HMGB1: variants seen among roughly 807,000 people sequenced by gnomAD.
HMGB1 encodes high mobility group box 1.
For synonymous variants in HMGB1, 81 were observed against 84.0 expected, an observed-to-expected ratio of 0.96 and a Z score of 0.19; for missense variants, 79 against 253.5, an observed-to-expected ratio of 0.31 and a Z score of 4.67.
At chr13:30,546,177 G>A (rs1363704361) in intron 1 of HMGB1, among the ~76,000 whole-genome samples, 1 of 152,122 alleles carries the variant, frequency 6.6e-6, no homozygotes, top group East Asian at 1.9e-4. Flanking sequence ...GTTCAGTAGC[G>A]TGATCTCAGC....
At chr13:30,514,515 C>T (rs1162434284) in intron 1 of HMGB1, among the ~76,000 whole-genome samples, 1 of 151,690 alleles carries the variant, frequency 6.6e-6, no homozygotes. Context: ...GGTGACCTTT[C>T]TAATCAATCT....
At chr13:30,603,344 C>G (rs981658952) in intron 1 of HMGB1, among the ~76,000 whole-genome samples, 22 of 152,122 alleles carry the variant, frequency 1.4e-4, no homozygotes, top group Admixed American at 1.4e-3. Context: ...TTGGAAGTAT[C>G]AAGGAGGCAG....
At chr13:30,555,165 C>G (rs1593309435) in intron 1 of HMGB1, among the ~76,000 whole-genome samples, 1 of 151,046 alleles carries the variant, frequency 6.6e-6, no homozygotes, top group Non-Finnish European at 1.5e-5. Flanking sequence ...CCTCAGCCTC[C>G]GGAGTAGCTG....
chr13:30,588,427 T>C (rs1566033618), intron 1 of HMGB1, among the ~76,000 whole-genome samples: 1 of 151,940 alleles, frequency 6.6e-6, no homozygotes, highest in Non-Finnish European at 1.5e-5. Flanking sequence ...GGATACAATA[T>C]ATGTAAAAAC....
At chr13:30,601,405 C>T (rs969705156) in intron 1 of HMGB1, among the ~76,000 whole-genome samples, 1 of 152,096 alleles carries the variant, frequency 6.6e-6, no homozygotes, top group African/African-American at 2.4e-5. Flanking sequence ...CTGTTGGGGG[C>T]CTGTGGTCAA....
chr13:30,538,813 C>CTT (rs1474098136), intron 1 of HMGB1, among the ~76,000 whole-genome samples: 7 of 64,326 alleles, frequency 1.1e-4, no homozygotes, highest in South Asian at 4.7e-4. Context: ...CTCTCTCTCT[C>CTT]CCCCTTTCTT....
At position 30,493,458 on chromosome 13, in the gene HMGB1, A is replaced by G. The variant is rs533121655; in HGVS notation, c.-14-29764T>C. On this transcript the variant is annotated intron_variant, in intron 1 of 4. Coordinates refer to the HMGB1 transcript ENST00000405805. ...GGGAAACGAGAAAATCTGGGGGATG[A>G]CAGGAATGTTCTGAACCTTGGTTGT... is the stretch of plus-strand genomic sequence containing the variant. Among the ~76,000 whole-genome samples, 17 of 152,310 alleles carry G rather than the reference A, an allele frequency of 1.1e-4. No individual in the cohort carries two copies. In the South Asian group the frequency reaches 1.7e-3, roughly 15 times the overall value.
intron 1 of HMGB1, chr13:30,539,585 A>G: frequency 3.6e-6 from 1 of 276,428 alleles, no homozygotes; most frequent in Non-Finnish European, 6.7e-6. Flanking sequence ...GAGTAGTGCT[A>G]ATGTGCTGGG....
intron 1 of HMGB1, among the ~76,000 whole-genome samples, chr13:30,474,937 T>TC (rs1887039698): frequency 7.7e-6 from 1 of 129,304 alleles, no homozygotes; most frequent in Non-Finnish European, 1.6e-5. Flanking sequence ...CTCTTTCTCT[T>TC]TTTTTTTTCT....
intron 1 of HMGB1, among the ~76,000 whole-genome samples, chr13:30,538,565 T>TTCTTTCTCTTTCTC (rs1868625816): frequency 2.8e-5 from 3 of 105,660 alleles, no homozygotes; most frequent in Non-Finnish European, 5.6e-5. Flanking sequence ...TTTTCTTTCT[T>TTCTTTCTCTTTCTC]CTTTTTCTTT....
Position 30,559,948 on chromosome 13 carries a change from T to C in HMGB1, c.-15+56723A>G. Among the ~76,000 whole-genome samples, 1 of 152,180 alleles carries C rather than the reference T, an allele frequency of 6.6e-6. No homozygotes were observed. The highest frequency in any genetic ancestry group is 1.9e-4 in the East Asian group (1 of 5,198). ...TAGTACAGTGAGATGGATGATGCCT[T>C]CACATGACTCAGATGTCACGTGTTT... On this transcript the variant is annotated intron_variant, in intron 1 of 4. Transcript: ENST00000405805. This position sits in a 1 kb window ranked among gnomAD's most constrained non-coding sequence, Gnocchi z 6.6.
chr13:30,602,236 A>G (rs1453382902), intron 1 of HMGB1, among the ~76,000 whole-genome samples: 1 of 152,102 alleles, frequency 6.6e-6, no homozygotes, highest in Non-Finnish European at 1.5e-5. Context: ...AGCCTCAGAC[A>G]TGTCATCGGG....
At chr13:30,584,016 G>T (rs1303264257) in intron 1 of HMGB1, among the ~76,000 whole-genome samples, 5 of 145,628 alleles carry the variant, frequency 3.4e-5, no homozygotes, top group Non-Finnish European at 6.1e-5. Flanking sequence ...GAAGAGAAAA[G>T]AAAAGAATGA....
chr13:30,534,590 T>C (rs4769841), intron 1 of HMGB1, among the ~76,000 whole-genome samples: 62,283 of 148,656 alleles, frequency 0.42, 13,911 homozygotes, highest in African/African-American at 0.56. Context: ...GTTAATTAGT[T>C]TAACTCTAGC....
At chr13:30,479,572 T>G (rs1298014130) in intron 1 of HMGB1, among the ~76,000 whole-genome samples, 2 of 152,264 alleles carry the variant, frequency 1.3e-5, no homozygotes, top group Non-Finnish European at 2.9e-5. Context: ...TCTTTTGTTC[T>G]GGCATTTATT....
At chr13:30,553,541 A>G (rs1566023386) in intron 1 of HMGB1, 7 of 468,446 alleles carry the variant, frequency 1.5e-5, no homozygotes, top group African/African-American at 1.2e-4. Context: ...TACCAAATAT[A>G]TATATGAATA....
intron 1 of HMGB1, among the ~76,000 whole-genome samples, chr13:30,509,577 G>A (rs776167232): frequency 3.3e-5 from 5 of 152,028 alleles, no homozygotes; most frequent in Non-Finnish European, 5.9e-5. Context: ...AAGCCCAGAT[G>A]TCAAGACCTA....
At chr13:30,469,632 C>CTATT (rs3042538), upstream of HMGB1, among the ~76,000 whole-genome samples, 11,435 of 60,400 alleles carry the variant, frequency 0.19, 2,537 homozygotes, top group African/African-American at 0.35. Flanking sequence ...CACGCCCGGC[C>CTATT]TATTTATTTA....
rs1279747158 is a variant in HMGB1, at chr13:30,613,092, T to C, written c.-15+3579A>G. ...CTTTTAGGCCTTGTTTTTGCTGTTT[T>C]GTTTTTCTGACAGTATGGTCTCTGT... On this transcript the variant is annotated intron_variant, in intron 1 of 4. Coordinates refer to the HMGB1 transcript ENST00000405805. Among the ~76,000 whole-genome samples, 7 of 152,352 alleles carry C rather than the reference T, an allele frequency of 4.6e-5. No homozygotes were observed. In the East Asian group the frequency reaches 1.3e-3, roughly 29 times the overall value.
Sources: gnomAD v4.1 joint callset for allele counts (sites outside exome capture counted in the v4.1 genomes callset) on GRCh38, gnomAD v4.1.1 for gene constraint, Gnocchi (gnomAD v3.1) non-coding constraint, MANE v1.5 for transcripts, NCBI Gene and HGNC (gene_info 2026-07-23, HGNC 2026-07-21) for gene names.